TRAPPC9: variants seen among roughly 807,000 people sequenced by gnomAD.
TRAPPC9 encodes trafficking protein particle complex subunit 9.
TRAPPC9 carries 83 observed loss-of-function variants against 124.0 expected under a neutral mutation model. The observed-to-expected ratio is 0.67, with a 90% CI of 0.56 to 0.80. TRAPPC9 has a LOEUF of 0.80. TRAPPC9 is among the 30% of genes least tolerant of loss of function. TRAPPC9 has a pLI of 0.00. For missense variants in TRAPPC9, 1,302 were observed against 1,508.3 expected, an observed-to-expected ratio of 0.86 and a Z score of 2.27; for synonymous variants, 638 against 617.5, an observed-to-expected ratio of 1.03 and a Z score of -0.49.
intron 9 of TRAPPC9, among the ~76,000 whole-genome samples, chr8:140,332,580 C>A (rs2066922260): frequency 6.6e-6 from 1 of 151,978 alleles, no homozygotes; most frequent in South Asian, 2.1e-4. Flanking sequence ...CACAGTACCA[C>A]ATAAACATAT....
At chr8:140,362,702 A>C (rs1367618427) in intron 8 of TRAPPC9, among the ~76,000 whole-genome samples, 1 of 152,184 alleles carries the variant, frequency 6.6e-6, no homozygotes, top group Non-Finnish European at 1.5e-5. Context: ...CAAATGCCAA[A>C]ATGAAGAAGA....
chr8:140,087,112 A>G lies in TRAPPC9; in HGVS notation c.2557-63033T>C, dbSNP rs1844237793. Among the ~76,000 whole-genome samples the G allele has an allele frequency of 6.6e-6, 1 of 152,100 alleles. No individual in the cohort carries two copies. Among genetic ancestry groups the G allele is most frequent in the Non-Finnish European group, 1.5e-5 (1 of 68,006 alleles). On this transcript the variant is annotated intron_variant, in intron 17 of 22. Transcript: ENST00000438773. The surrounding 1 kb of genome is among the most constrained non-coding windows in gnomAD (Gnocchi z 4.6). ...AATGACTCTTTCCAATCTCAAAGCC[A>G]GTGGTCAACATCCTGGCCTTGTCTT...
intron 19 of TRAPPC9, among the ~76,000 whole-genome samples, chr8:139,934,692 C>T (rs980995533): frequency 3.3e-5 from 5 of 152,212 alleles, no homozygotes; most frequent in Non-Finnish European, 5.9e-5. Flanking sequence ...AGGCCCCATC[C>T]CTGCAGACTG....
At chr8:139,791,451 C>T (rs1001724691) in intron 21 of TRAPPC9, among the ~76,000 whole-genome samples, 12 of 151,194 alleles carry the variant, frequency 7.9e-5, no homozygotes, top group Admixed American at 2.0e-4. Context: ...CACAGACTCA[C>T]GGGTACCCGT....
In TRAPPC9 at chr8:139,730,686, G is replaced by A. The variant is rs79408026; in HGVS notation, c.*375C>T. ...TTCTTTCTATGGCCAAAGGGAAGTC[G>A]CTGGACGAGGGAGGTCCCTCTGCTG... On this transcript the variant is annotated 3_prime_UTR_variant, in exon 23 of 23. Transcript: ENST00000438773. 9.1e-3 allele frequency: 2,320 copies of A among 255,454 alleles called. 95 individuals are homozygous for A. Among genetic ancestry groups the A allele is most frequent in the East Asian group, 0.071 (784 of 11,068 alleles). 15.8% of individuals were successfully genotyped at this position (255,454 alleles called of 1,614,324 possible).
intron 18 of TRAPPC9, among the ~76,000 whole-genome samples, chr8:140,016,401 G>A (rs1435574680): frequency 3.3e-5 from 5 of 152,150 alleles, no homozygotes; most frequent in Non-Finnish European, 7.3e-5. Context: ...AAAATCCCAG[G>A]CAAACCAGAC....
intron 21 of TRAPPC9, among the ~76,000 whole-genome samples, chr8:139,801,910 C>T (rs1033373550): frequency 3.3e-5 from 5 of 152,224 alleles, no homozygotes; most frequent in Non-Finnish European, 4.4e-5. Context: ...ACTGGGCCTG[C>T]AGAATCCGCC....
chr8:139,848,434 C>T (rs1827239741), intron 21 of TRAPPC9, among the ~76,000 whole-genome samples: 1 of 151,988 alleles, frequency 6.6e-6, no homozygotes, highest in African/African-American at 2.4e-5. Flanking sequence ...TGATTGCCTG[C>T]AATACACAAC....
intron 9 of TRAPPC9, among the ~76,000 whole-genome samples, chr8:140,348,256 A>C (rs1024790517): frequency 1.3e-5 from 2 of 152,202 alleles, no homozygotes; most frequent in African/African-American, 4.8e-5. Flanking sequence ...AATCCCAACT[A>C]AGTTTCAGTG....
intron 21 of TRAPPC9, among the ~76,000 whole-genome samples, chr8:139,855,489 T>C (rs941593432): frequency 6.6e-6 from 1 of 152,062 alleles, no homozygotes; most frequent in Non-Finnish European, 1.5e-5. Flanking sequence ...CCCGAGAGGA[T>C]AAAAAGAAAT....
chr8:140,012,149 T>C (rs532869584), intron 18 of TRAPPC9, among the ~76,000 whole-genome samples: 2 of 152,306 alleles, frequency 1.3e-5, no homozygotes, highest in African/African-American at 4.8e-5. Context: ...TGACTAGCTT[T>C]TAGAAGAAAG....
At chr8:140,274,273 A>C (rs79509883) in intron 15 of TRAPPC9, among the ~76,000 whole-genome samples, 15,366 of 152,098 alleles carry the variant, frequency 0.1, 2,136 homozygotes, top group East Asian at 0.73. Context: ...ATATAAAATG[A>C]GTGTGCACCA....
chr8:139,814,034 A>C (rs928426159), intron 21 of TRAPPC9, among the ~76,000 whole-genome samples: 5 of 152,186 alleles, frequency 3.3e-5, no homozygotes, highest in Admixed American at 3.3e-4. Flanking sequence ...CAGCTGACTC[A>C]AAAGTCCCCT....
chr8:139,790,977 C>T (rs1384591578), intron 21 of TRAPPC9, among the ~76,000 whole-genome samples: 1 of 152,132 alleles, frequency 6.6e-6, no homozygotes, highest in Non-Finnish European at 1.5e-5. Context: ...TGCCATGAGT[C>T]AAAGCTCCCT....
At chr8:139,942,514 TA>T (rs1833977567) in intron 19 of TRAPPC9, among the ~76,000 whole-genome samples, 1 of 152,200 alleles carries the variant, frequency 6.6e-6, no homozygotes, top group South Asian at 2.1e-4. Context: ...TGGTGCTTAA[TA>T]GGTGTAACAA....
chr8:140,221,812 A>AT (rs1223026942), intron 16 of TRAPPC9, among the ~76,000 whole-genome samples: 2 of 151,928 alleles, frequency 1.3e-5, no homozygotes, highest in Non-Finnish European at 2.9e-5. Flanking sequence ...TAATTTTTGT[A>AT]TTTTTGGTAG....
At chr8:140,169,558 G>A (rs1242764164) in intron 17 of TRAPPC9, among the ~76,000 whole-genome samples, 1 of 152,188 alleles carries the variant, frequency 6.6e-6, no homozygotes, top group Non-Finnish European at 1.5e-5. Flanking sequence ...ATGCGGATGT[G>A]GAAGGGCAGT....
chr8:140,341,436 A>G (rs1253427494), intron 9 of TRAPPC9, among the ~76,000 whole-genome samples: 5 of 152,140 alleles, frequency 3.3e-5, no homozygotes, highest in Admixed American at 1.3e-4. Flanking sequence ...GCAACAACCA[A>G]TCAGAACTCA....
chr8:139,879,687 T>C (rs1238617758), intron 21 of TRAPPC9, among the ~76,000 whole-genome samples: 1 of 152,118 alleles, frequency 6.6e-6, no homozygotes, highest in Non-Finnish European at 1.5e-5. Context: ...ACCAGGCACC[T>C]CCTCTCCTAG....
Sources: allele counts gnomAD v4.1 joint callset (sites outside exome capture counted in the v4.1 genomes callset), GRCh38; gene constraint gnomAD v4.1.1; non-coding constraint Gnocchi (gnomAD v3.1); transcripts MANE v1.5; gene names NCBI Gene and HGNC (gene_info 2026-07-23, HGNC 2026-07-21).